The following PDE1C variants were observed in gnomAD, a reference collection of about 807,000 sequenced individuals.
The protein encoded by PDE1C is dual specificity calcium/calmodulin-dependent 3',5'-cyclic nucleotide phosphodiesterase 1C.
A neutral mutation model predicts 93.1 loss-of-function variants in PDE1C; 62 were observed. That is an observed-to-expected ratio of 0.67 (90% CI 0.54 to 0.82). PDE1C has a LOEUF of 0.82. PDE1C is among the 40% of genes least tolerant of loss of function. The pLI, the probability that PDE1C is intolerant of heterozygous loss-of-function variation, is 0.00. For missense variants in PDE1C, 742 were observed against 884.6 expected (o/e 0.84, Z 2.04); for synonymous variants, 325 against 310.1 (o/e 1.05, Z -0.50).
At chr7:31,903,332 TTAG>T (rs1800212083) in intron 2 of PDE1C, among the ~76,000 whole-genome samples, 1 of 151,938 alleles carries the variant, frequency 6.6e-6, no homozygotes, top group Non-Finnish European at 1.5e-5. Flanking sequence ...CTCAAAACTT[TTAG>T]TAAATTATAA....
At chr7:32,357,741 A>G (rs1784059743) in intron 1 of PDE1C, among the ~76,000 whole-genome samples, 1 of 152,156 alleles carries the variant, frequency 6.6e-6, no homozygotes. Flanking sequence ...TCTGGTGAGT[A>G]CATGCCTTCA....
At chr7:32,374,179 A>AAAGAAAGAAAGAAAT (rs1784382408) in intron 1 of PDE1C, among the ~76,000 whole-genome samples, 1 of 31,174 alleles carries the variant, frequency 3.2e-5, no homozygotes, top group African/African-American at 6.1e-5. Flanking sequence ...AGAAAGAAAG[A>AAAGAAAGAAAGAAAT]AAGAAAGAAA....
intron 3 of PDE1C, among the ~76,000 whole-genome samples, chr7:32,121,702 G>T (rs140198022): frequency 0.029 from 4,421 of 152,194 alleles, 76 homozygotes; most frequent in Non-Finnish European, 0.044. Context: ...GGCCTGCCTT[G>T]CAAGAACTCC....
intron 3 of PDE1C, among the ~76,000 whole-genome samples, chr7:32,120,696 G>C (rs1563329640): frequency 6.6e-6 from 1 of 151,924 alleles, no homozygotes; most frequent in Non-Finnish European, 1.5e-5. Context: ...AACAACAAAA[G>C]TCCCCCCAAA....
At chr7:31,981,311 T>C (rs565282196) in intron 2 of PDE1C, among the ~76,000 whole-genome samples, 3 of 152,332 alleles carry the variant, frequency 2.0e-5, no homozygotes, top group Admixed American at 6.5e-5. Context: ...TGTACTTATA[T>C]ACCTACCAAT....
intron 1 of PDE1C, among the ~76,000 whole-genome samples, chr7:32,248,083 T>C (rs1446576232): frequency 1.3e-5 from 2 of 152,232 alleles, no homozygotes; most frequent in East Asian, 1.9e-4. Context: ...GTAAGACATG[T>C]TGCCATTCAG....
chr7:31,626,193 G>A, the PDE1C span, among the ~76,000 whole-genome samples: 2 of 152,090 alleles, frequency 1.3e-5, no homozygotes, highest in Admixed American at 6.6e-5. Flanking sequence ...CTTTCTTTTT[G>A]TAAAAGCAAA....
chr7:31,952,953 C>T (rs1807608705), intron 2 of PDE1C, among the ~76,000 whole-genome samples: 1 of 151,984 alleles, frequency 6.6e-6, no homozygotes, highest in African/African-American at 2.4e-5. Flanking sequence ...CTACATGCAT[C>T]CATCTAGAAA....
intron 6 of PDE1C, among the ~76,000 whole-genome samples, chr7:31,867,369 G>C (rs76241016): frequency 3.2e-4 from 48 of 152,212 alleles, no homozygotes; most frequent in African/African-American, 1.1e-3. Flanking sequence ...AGATCCAACA[G>C]GCCCAGTTCC....
the PDE1C span, among the ~76,000 whole-genome samples, chr7:31,704,849 C>A: frequency 6.6e-6 from 1 of 152,116 alleles, no homozygotes; most frequent in Non-Finnish European, 1.5e-5. Context: ...TCTGCTTCCC[C>A]TGAAAGCATG....
intron 1 of PDE1C, among the ~76,000 whole-genome samples, chr7:32,333,602 A>G (rs1227430449): frequency 6.6e-6 from 1 of 152,210 alleles, no homozygotes; most frequent in Non-Finnish European, 1.5e-5. Flanking sequence ...AATGAAAAAA[A>G]CACACGCTTT....
chr7:32,298,239 T>C (rs1389383814), intron 1 of PDE1C, among the ~76,000 whole-genome samples: 1 of 152,008 alleles, frequency 6.6e-6, no homozygotes, highest in African/African-American at 2.4e-5. Flanking sequence ...CCGCTCTGTC[T>C]GTGTGTCTCT....
chr7:31,950,611 A>G (rs1304914154), intron 2 of PDE1C, among the ~76,000 whole-genome samples: 2 of 152,186 alleles, frequency 1.3e-5, no homozygotes, highest in African/African-American at 4.8e-5. Context: ...CCTTTCTCTT[A>G]GTCATTATAT....
chr7:31,772,564 T>C (rs1795564532), intron 17 of PDE1C, among the ~76,000 whole-genome samples: 1 of 149,266 alleles, frequency 6.7e-6, no homozygotes, highest in Non-Finnish European at 1.5e-5. Context: ...CCAGTTTTTT[T>C]AAAAGATATA....
At chr7:32,373,273 C>T (rs891603689) in intron 1 of PDE1C, among the ~76,000 whole-genome samples, 2 of 152,196 alleles carry the variant, frequency 1.3e-5, no homozygotes, top group Non-Finnish European at 2.9e-5. Context: ...GAATCTTATT[C>T]AGCCACAAAA....
intron 5 of PDE1C, among the ~76,000 whole-genome samples, chr7:31,875,466 G>A (rs1221780664): frequency 1.3e-5 from 2 of 151,924 alleles, no homozygotes; most frequent in African/African-American, 4.8e-5. Context: ...ACCCTCCAGT[G>A]GGGACTCCAG....
At chr7:31,712,357 G>A in the PDE1C span, among the ~76,000 whole-genome samples, 3 of 152,190 alleles carry the variant, frequency 2.0e-5, no homozygotes, top group African/African-American at 7.2e-5. Flanking sequence ...CTTACCATTT[G>A]CCTAATTGCA....
the PDE1C span, among the ~76,000 whole-genome samples, chr7:31,694,387 A>AACACACACACACACACACACAC: frequency 0.027 from 3,755 of 141,500 alleles, 57 homozygotes; most frequent in African/African-American, 0.036. Flanking sequence ...CTCTCTCTCA[A>AACACACACACACACACACACAC]ACACACACAC....
At chr7:32,329,967 T>C (rs1290534364) in intron 1 of PDE1C, among the ~76,000 whole-genome samples, 1 of 152,256 alleles carries the variant, frequency 6.6e-6, no homozygotes, top group Non-Finnish European at 1.5e-5. Flanking sequence ...CCATCAGGGA[T>C]GCCAAGGAGC....
Sources: gnomAD v4.1 joint callset for allele counts (sites outside exome capture counted in the v4.1 genomes callset) on GRCh38, gnomAD v4.1.1 for gene constraint, MANE v1.5 for transcripts, NCBI Gene and HGNC (gene_info 2026-07-23, HGNC 2026-07-21) for gene names.